The following FAT3 variants were observed in gnomAD, a reference collection of about 807,000 sequenced individuals.
FAT3 encodes the protein protocadherin Fat 3.
Under a neutral mutation model 310.2 loss-of-function variants are expected in FAT3, and 95 were observed. The observed-to-expected ratio is 0.31, with a 90% CI of 0.26 to 0.36. The LOEUF is 0.36. Among genes scored for constraint, FAT3 ranks in the 10% least tolerant of loss-of-function variants. The pLI, the probability that FAT3 is intolerant of heterozygous loss-of-function variation, is 1.00. For missense variants in FAT3, 5,408 were observed against 5,715.6 expected (o/e 0.95, Z 1.74); for synonymous variants, 2,314 against 2,192.9 (o/e 1.06, Z -1.54).
chr11:92,279,998 T>C (rs1457015294), intron 1 of FAT3, among the ~76,000 whole-genome samples: 1 of 152,144 alleles, frequency 6.6e-6, no homozygotes, highest in Non-Finnish European at 1.5e-5. Flanking sequence ...TTGACTTAAG[T>C]TTCTCAAGCA....
chr11:92,836,516 T>C (rs1424530765), intron 15 of FAT3, 50 bp from the exon 16 acceptor site: 6 of 1,593,258 alleles, frequency 3.8e-6, no homozygotes, highest in Non-Finnish European at 5.1e-6. Flanking sequence ...GAATCAACCT[T>C]TGCTGCCTTA....
At chr11:92,414,371 C>G (rs760672824) in intron 2 of FAT3, among the ~76,000 whole-genome samples, 7 of 152,118 alleles carry the variant, frequency 4.6e-5, no homozygotes, top group Non-Finnish European at 5.9e-5. Flanking sequence ...AAATACCCCA[C>G]GGATTTGGTG....
At chr11:92,424,950 A>G (rs1416767761) in intron 2 of FAT3, among the ~76,000 whole-genome samples, 2 of 152,112 alleles carry the variant, frequency 1.3e-5, no homozygotes, top group Non-Finnish European at 2.9e-5. Flanking sequence ...CAGAGATTGC[A>G]TTGATTACAT....
chr11:92,699,437 G>A (rs1349142500), intron 4 of FAT3, among the ~76,000 whole-genome samples: 1 of 152,172 alleles, frequency 6.6e-6, no homozygotes, highest in Non-Finnish European at 1.5e-5. Flanking sequence ...ACAAGTACAT[G>A]AATGTATTAA....
intron 1 of FAT3, among the ~76,000 whole-genome samples, chr11:92,348,465 AG>A (rs931894116): frequency 2.6e-5 from 4 of 152,232 alleles, no homozygotes; most frequent in African/African-American, 4.8e-5. Flanking sequence ...AAAGATTCAC[AG>A]AAAGATTTGT....
At chr11:92,265,437 C>T (rs1350603179) in intron 1 of FAT3, among the ~76,000 whole-genome samples, 2 of 151,854 alleles carry the variant, frequency 1.3e-5, no homozygotes, top group Non-Finnish European at 2.9e-5. Context: ...TTCACAGCAT[C>T]CCAGTCTCTG....
intron 2 of FAT3, among the ~76,000 whole-genome samples, chr11:92,468,032 TAA>T (rs961359450): frequency 2.6e-4 from 39 of 152,228 alleles, no homozygotes; most frequent in African/African-American, 7.5e-4. Flanking sequence ...CAGTGCCTTG[TAA>T]TCAAATACTT....
chr11:92,357,407 A>G (rs1948763056), intron 2 of FAT3, among the ~76,000 whole-genome samples: 1 of 152,176 alleles, frequency 6.6e-6, no homozygotes, highest in Non-Finnish European at 1.5e-5. Context: ...CATGTACCCA[A>G]CTACACTGAA....
chr11:92,600,011 G>A (rs1172115078), intron 3 of FAT3, among the ~76,000 whole-genome samples: 1 of 152,206 alleles, frequency 6.6e-6, no homozygotes. Context: ...AGGGAGATAG[G>A]TTGTTGGCTG....
intron 1 of FAT3, among the ~76,000 whole-genome samples, chr11:92,248,454 A>G (rs1045248738): frequency 1.7e-4 from 26 of 152,174 alleles, no homozygotes; most frequent in Non-Finnish European, 3.7e-4. Flanking sequence ...AAAGATTACT[A>G]GAATAGCTGT....
At chr11:92,295,878 T>G (rs1946834623) in intron 1 of FAT3, among the ~76,000 whole-genome samples, 1 of 152,100 alleles carries the variant, frequency 6.6e-6, no homozygotes, top group Admixed American at 6.6e-5. Context: ...ACTATAGAAC[T>G]TCCAGGATGG....
chr11:92,788,476 GAA>G (rs1372097269), intron 7 of FAT3, among the ~76,000 whole-genome samples: 1 of 152,094 alleles, frequency 6.6e-6, no homozygotes, highest in Non-Finnish European at 1.5e-5. Flanking sequence ...AAATAGTTGA[GAA>G]GTTTCTTTTT....
At chr11:92,875,559 T>C (rs1196667563) in intron 22 of FAT3, among the ~76,000 whole-genome samples, 1 of 151,962 alleles carries the variant, frequency 6.6e-6, no homozygotes, top group East Asian at 2.0e-4. Flanking sequence ...AGGGGTGTGC[T>C]GGTAAACCAG....
At chr11:92,890,438 A>G (rs2136441477) in intron 27 of FAT3, 53 bp from the exon 28 acceptor site, 1 of 1,549,416 alleles carries the variant, frequency 6.5e-7, no homozygotes, top group Non-Finnish European at 8.7e-7. Context: ...TTTCCCAGCA[A>G]AGCACCAACT....
intron 4 of FAT3, among the ~76,000 whole-genome samples, chr11:92,706,695 GAAGT>G (rs1244420865): frequency 4.6e-5 from 7 of 152,330 alleles, no homozygotes; most frequent in South Asian, 2.1e-4. Flanking sequence ...CTCTCAGAAT[GAAGT>G]AAGTAATTCA....
chr11:92,327,367 T>C (rs1308948105), intron 1 of FAT3, among the ~76,000 whole-genome samples: 1 of 151,998 alleles, frequency 6.6e-6, no homozygotes, highest in South Asian at 2.1e-4. Flanking sequence ...ACTAGGACAA[T>C]GAGGAGTTTC....
At chr11:92,679,285 T>TTATG (rs1381115110) in intron 3 of FAT3, among the ~76,000 whole-genome samples, 5 of 152,028 alleles carry the variant, frequency 3.3e-5, no homozygotes, top group Admixed American at 2.0e-4. Context: ...TTTGGTTTAT[T>TTATG]TATTTATTTA....
At chr11:92,652,117 T>C (rs879043038) in intron 3 of FAT3, among the ~76,000 whole-genome samples, 1 of 152,178 alleles carries the variant, frequency 6.6e-6, no homozygotes, top group African/African-American at 2.4e-5. Context: ...ATGTCTTTTA[T>C]ATACATATTG....
intron 3 of FAT3, among the ~76,000 whole-genome samples, chr11:92,631,598 G>T (rs970556970): frequency 6.6e-6 from 1 of 152,030 alleles, no homozygotes; most frequent in Non-Finnish European, 1.5e-5. Flanking sequence ...CTTCTGCCAT[G>T]ATCACAAGTT....
Sources: allele counts gnomAD v4.1 joint callset (sites outside exome capture counted in the v4.1 genomes callset), GRCh38; gene constraint gnomAD v4.1.1; transcripts MANE v1.5; gene names NCBI Gene and HGNC (gene_info 2026-07-23, HGNC 2026-07-21).